CRIM1: variants seen among roughly 807,000 people sequenced by gnomAD.
CRIM1 encodes cysteine-rich motor neuron 1 protein.
Under a neutral mutation model 116.4 loss-of-function variants are expected in CRIM1, and 32 were observed. The ratio of observed to expected loss-of-function variants is 0.27; its 90% CI spans 0.21 to 0.37. The LOEUF (loss-of-function observed/expected upper bound fraction) is 0.37. Ranked by LOEUF, CRIM1 falls within the 10% of genes least tolerant of loss-of-function variation. The pLI, the probability that CRIM1 is intolerant of heterozygous loss-of-function variation, is 1.00. For synonymous variants in CRIM1, 590 were observed against 509.2 expected, an observed-to-expected ratio of 1.16 and a Z score of -2.13; for missense variants, 1,331 against 1,354.8, an observed-to-expected ratio of 0.98 and a Z score of 0.28.
At chr2:36,483,594 G>A (rs1300007612) in intron 7 of CRIM1, among the ~76,000 whole-genome samples, 2 of 152,152 alleles carry the variant, frequency 1.3e-5, no homozygotes, top group Non-Finnish European at 2.9e-5. Context: ...GACCCTGAAT[G>A]GACAGTGCCT....
At chr2:36,540,554 T>C (rs1464682231) in intron 14 of CRIM1, among the ~76,000 whole-genome samples, 2 of 152,074 alleles carry the variant, frequency 1.3e-5, no homozygotes, top group Non-Finnish European at 2.9e-5. Flanking sequence ...TCTGGAGCAG[T>C]GAGTTTTAGT....
intron 6 of CRIM1, among the ~76,000 whole-genome samples, chr2:36,478,563 C>G (rs531287681): frequency 2.0e-5 from 3 of 152,226 alleles, no homozygotes; most frequent in Non-Finnish European, 4.4e-5. Flanking sequence ...CCCTCTCTGG[C>G]AGACTGCCTT....
At position 36,512,952 on chromosome 2, in the gene CRIM1, G is replaced by A. The variant is rs149771213; in HGVS notation, c.1780+558G>A. On this transcript the variant is annotated intron_variant, in intron 10 of 16. Transcript: ENST00000280527. ...AAGCCACTGAGCATGCACCCTGACC[G>A]CCGTTTCTGCCTTTACCCCAGCTCC... Among the ~76,000 whole-genome samples, 293 of 152,256 alleles carry A rather than the reference G, an allele frequency of 1.9e-3. 1 individual carries two copies. Among genetic ancestry groups the A allele is most frequent in the Middle Eastern group, 6.8e-3 (2 of 294 alleles).
At position 36,441,189 on chromosome 2, in the gene CRIM1, G is replaced by A. The variant is rs147319024; in HGVS notation, c.506-69G>A. The A allele has an allele frequency of 7.1e-4, 1,128 of 1,597,590 alleles. 7 individuals are homozygous for A. The African/African-American group carries it at 0.014, about 20-fold the overall frequency. On this transcript the variant is annotated intron_variant, in intron 2 of 16. Transcript: ENST00000280527. ...GCTACTTAAATAGATCATCAGGACTGTTTGTTCTTCTGTTGAAAGTGCCCC... is the reference window on the plus strand; with the variant it reads ...GCTACTTAAATAGATCATCAGGACTATTTGTTCTTCTGTTGAAAGTGCCCC...
chr2:36,395,573 A>G (rs937640234), intron 1 of CRIM1, among the ~76,000 whole-genome samples: 1 of 152,194 alleles, frequency 6.6e-6, no homozygotes, highest in East Asian at 1.9e-4. Flanking sequence ...GAGCCTGCAT[A>G]TGATTCTGTC....
At chr2:36,413,541 G>A (rs543836527) in intron 2 of CRIM1, among the ~76,000 whole-genome samples, 50 of 152,246 alleles carry the variant, frequency 3.3e-4, no homozygotes, top group African/African-American at 1.2e-3. Context: ...TAATTGAATG[G>A]CTTGTTGTTT....
At chr2:36,469,966 A>G (rs1678362521) in intron 5 of CRIM1, among the ~76,000 whole-genome samples, 1 of 152,200 alleles carries the variant, frequency 6.6e-6, no homozygotes, top group Non-Finnish European at 1.5e-5. Context: ...TCCCTGTGGA[A>G]TAAGCCAATT....
At chr2:36,441,988 A>G (rs558978357) in intron 3 of CRIM1, among the ~76,000 whole-genome samples, 4 of 152,298 alleles carry the variant, frequency 2.6e-5, no homozygotes, top group South Asian at 2.1e-4. Context: ...CTCTTTGCCA[A>G]TTCCCCCGCA....
chr2:36,522,454 A>G, intron 13 of CRIM1, 141 bp downstream of exon 13: 1 of 659,688 alleles, frequency 1.5e-6, no homozygotes. Flanking sequence ...GTGTAGCAAC[A>G]CTGAGCAGAA....
chr2:36,369,276 A>G (rs969856775), intron 1 of CRIM1: 2 of 152,240 alleles, frequency 1.3e-5, no homozygotes, highest in Admixed American at 6.5e-5. Flanking sequence ...ACTTGCCCAC[A>G]TCTGTGTGCT....
rs768855903 is a variant in CRIM1 at position 36,356,461 on chromosome 2, C to A, written c.169C>A (p.Gln57Lys). Residue 57 changes from glutamine to lysine, a missense_variant, in exon 1 of 17, where the codon CAG becomes AAG. By Grantham distance (53) the Gln-to-Lys change is moderately conservative. Transcript: ENST00000280527. The surrounding 1 kb of genome is among the most constrained non-coding windows in gnomAD (Gnocchi z 4.3). The part of the protein sequence containing the change: ...EPRNCPGSIV[Q>K]GVCGCCYTCA... The stretch of plus-strand genomic sequence containing the variant: ...CAGGAACTGCCCGGGGAGCATCGTG[C>A]AGGGCGTCTGCGGCTGCTGCTACAC... 6.2e-7 allele frequency: 1 copy of A among 1,612,472 alleles called. No individual in the cohort carries two copies. Among genetic ancestry groups the A allele is most frequent in the African/African-American group, 1.3e-5 (1 of 74,902 alleles).
At chr2:36,428,771 G>A (rs1333691973) in intron 2 of CRIM1, among the ~76,000 whole-genome samples, 1 of 152,128 alleles carries the variant, frequency 6.6e-6, no homozygotes, top group Admixed American at 6.5e-5. Flanking sequence ...CGCTCTTAAG[G>A]CAAAATACTT....
chr2:36,407,347 GGAAA>G (rs1319720047), intron 2 of CRIM1, among the ~76,000 whole-genome samples: 1 of 152,096 alleles, frequency 6.6e-6, no homozygotes, highest in Admixed American at 6.5e-5. Flanking sequence ...GATGTCATTG[GGAAA>G]GAAAGTGTAG....
At chr2:36,539,733 G>C (rs1456400271) in intron 14 of CRIM1, among the ~76,000 whole-genome samples, 1 of 152,148 alleles carries the variant, frequency 6.6e-6, no homozygotes, top group Non-Finnish European at 1.5e-5. Context: ...CAATGTATGC[G>C]GGGAGTGAGT....
chr2:36,362,962 C>T (rs1339856818), intron 1 of CRIM1, among the ~76,000 whole-genome samples: 1 of 152,012 alleles, frequency 6.6e-6, no homozygotes, highest in East Asian at 1.9e-4. Context: ...CTTTGTGGGG[C>T]TGAGGCAGAT....
At chr2:36,486,625 G>C (rs1476196557) in intron 7 of CRIM1, among the ~76,000 whole-genome samples, 1 of 152,100 alleles carries the variant, frequency 6.6e-6, no homozygotes, top group African/African-American at 2.4e-5. Flanking sequence ...GTGCAAGGGG[G>C]TGGGTTGCTC....
intron 14 of CRIM1, among the ~76,000 whole-genome samples, chr2:36,540,279 CAAGA>C (rs1180806882): frequency 1.3e-5 from 2 of 152,066 alleles, no homozygotes; most frequent in Non-Finnish European, 2.9e-5. Context: ...AGAGTGATTT[CAAGA>C]AAGAATGGGA....
At chr2:36,432,978 T>G (rs115952032) in intron 2 of CRIM1, among the ~76,000 whole-genome samples, 55 of 152,268 alleles carry the variant, frequency 3.6e-4, no homozygotes, top group African/African-American at 1.3e-3. Context: ...GAATCACCTC[T>G]AGGGTTTGTT....
chr2:36,405,254 G>A (rs1024484556), intron 2 of CRIM1, among the ~76,000 whole-genome samples: 1 of 152,172 alleles, frequency 6.6e-6, no homozygotes, highest in Admixed American at 6.5e-5. Context: ...GGGAGTATTA[G>A]CATTCATGCC....
Sources: allele counts gnomAD v4.1 joint callset (sites outside exome capture counted in the v4.1 genomes callset), GRCh38; gene constraint gnomAD v4.1.1; non-coding constraint Gnocchi (gnomAD v3.1); transcripts MANE v1.5; gene names NCBI Gene and HGNC (gene_info 2026-07-23, HGNC 2026-07-21).